TSHZ3: variants seen among roughly 807,000 people sequenced by gnomAD.
TSHZ3 encodes teashirt homolog 3.
Under a neutral mutation model 64.5 loss-of-function variants are expected in TSHZ3, and 10 were observed. The ratio of observed to expected loss-of-function variants is 0.16; its 90% CI spans 0.10 to 0.26. TSHZ3 has a LOEUF of 0.26. TSHZ3 is among the 10% of genes least tolerant of loss of function. TSHZ3 has a pLI of 1.00. For missense variants in TSHZ3, 1,242 were observed against 1,421.7 expected, an observed-to-expected ratio of 0.87 and a Z score of 2.03; for synonymous variants, 608 against 593.1, an observed-to-expected ratio of 1.03 and a Z score of -0.36.
intron 1 of TSHZ3, among the ~76,000 whole-genome samples, chr19:31,330,317 C>T (rs549185764): frequency 1.3e-5 from 2 of 152,306 alleles, no homozygotes; most frequent in South Asian, 4.1e-4. Flanking sequence ...CATCTAACGC[C>T]TAGCAGGGGT....
In TSHZ3 at chr19:31,340,338, C is replaced by CAAAAA. The variant is rs1160334453; in HGVS notation, c.40+8837_40+8841dup. Among the ~76,000 whole-genome samples the CAAAAA allele has an allele frequency of 3.4e-4, 11 of 32,748 alleles. 2 individuals carry two copies. Among genetic ancestry groups the CAAAAA allele is most frequent in the Non-Finnish European group, 5.7e-5 (1 of 17,562 alleles). The allele number at this position is 32,748 out of a possible 152,430, so 21.5% of individuals were successfully genotyped here. On this transcript the variant is annotated intron_variant, in intron 1 of 1. Coordinates refer to ENST00000240587, the MANE Select transcript of TSHZ3 (RefSeq NM_020856.4). Reference sequence around the variant, plus strand: ...ATTAATTAGCAACAGGCCTACAGTACAAAAAAAAAAAAAAAAAAAAAAAAA... The same window carrying CAAAAA: ...ATTAATTAGCAACAGGCCTACAGTACAAAAAAAAAAAAAAAAAAAAAAAAAAAAAA...
At chr19:31,224,640 T>C (rs1975435815) in intron 4 of TSHZ3, among the ~76,000 whole-genome samples, 1 of 152,184 alleles carries the variant, frequency 6.6e-6, no homozygotes, top group African/African-American at 2.4e-5. Flanking sequence ...ACTCTAGCCT[T>C]AGGGCTTGAG....
At chr19:31,294,206 A>G (rs547212225) in intron 1 of TSHZ3, among the ~76,000 whole-genome samples, 1 of 152,328 alleles carries the variant, frequency 6.6e-6, no homozygotes, top group East Asian at 1.9e-4. Flanking sequence ...TAAGGTCTGT[A>G]GCACTGCCTG....
intron 5 of TSHZ3, among the ~76,000 whole-genome samples, chr19:31,156,760 A>G (rs1974310830): frequency 6.6e-6 from 1 of 152,130 alleles, no homozygotes; most frequent in African/African-American, 2.4e-5. Context: ...GCTTAACAAG[A>G]TGTGATGAAA....
At chr19:31,324,523 A>G (rs1916876424) in intron 1 of TSHZ3, among the ~76,000 whole-genome samples, 1 of 152,266 alleles carries the variant, frequency 6.6e-6, no homozygotes, top group Non-Finnish European at 1.5e-5. Context: ...GCACCTTCCA[A>G]ACCCAAAAGA....
At chr19:31,262,452 C>A (rs1036215601) in intron 1 of TSHZ3, among the ~76,000 whole-genome samples, 1 of 152,152 alleles carries the variant, frequency 6.6e-6, no homozygotes, top group African/African-American at 2.4e-5. Context: ...TCTTAAAAAT[C>A]ATACACAGAT....
chr19:31,288,154 T>C (rs1187282440), intron 1 of TSHZ3, among the ~76,000 whole-genome samples: 1 of 152,108 alleles, frequency 6.6e-6, no homozygotes, highest in Non-Finnish European at 1.5e-5. Context: ...TAAATAATAA[T>C]TTAACTAGCC....
intron 4 of TSHZ3, among the ~76,000 whole-genome samples, chr19:31,217,691 T>C (rs536575788): frequency 3.7e-4 from 56 of 152,294 alleles, no homozygotes; most frequent in Non-Finnish European, 7.3e-4. Context: ...GGGTTCGCTC[T>C]TGGTGTTGTG....
At chr19:31,176,188 G>A (rs1276961789) in intron 5 of TSHZ3, among the ~76,000 whole-genome samples, 1 of 152,154 alleles carries the variant, frequency 6.6e-6, no homozygotes, top group Non-Finnish European at 1.5e-5. Flanking sequence ...CAGCCCAGGG[G>A]ACATCCAGGA....
intron 4 of TSHZ3, among the ~76,000 whole-genome samples, chr19:31,219,831 T>C (rs1975376442): frequency 6.7e-6 from 1 of 149,748 alleles, no homozygotes; most frequent in Non-Finnish European, 1.5e-5. Flanking sequence ...AATATATATG[T>C]ATATTCAAAA....
intron 6 of TSHZ3, among the ~76,000 whole-genome samples, chr19:31,153,391 A>G (rs1458316586): frequency 6.6e-6 from 1 of 152,218 alleles, no homozygotes; most frequent in Non-Finnish European, 1.5e-5. Context: ...CATCTTACTT[A>G]TAGAGAAAGG....
chr19:31,260,730 A>G (rs1717598039), intron 1 of TSHZ3, among the ~76,000 whole-genome samples: 1 of 152,200 alleles, frequency 6.6e-6, no homozygotes, highest in South Asian at 2.1e-4. Context: ...TCACTTGGGA[A>G]GCACAGCTCT....
intron 1 of TSHZ3, among the ~76,000 whole-genome samples, chr19:31,248,004 G>A (rs7260068): frequency 0.28 from 42,322 of 151,954 alleles, 7,364 homozygotes; most frequent in African/African-American, 0.48. Flanking sequence ...AATCATGGTG[G>A]AAGGTGAAAG....
At chr19:31,154,170 C>T (rs1359023699) in intron 6 of TSHZ3, among the ~76,000 whole-genome samples, 1 of 152,198 alleles carries the variant, frequency 6.6e-6, no homozygotes, top group Non-Finnish European at 1.5e-5. Context: ...GACAGCAGAG[C>T]TACCCAGCAG....
At chr19:31,150,799 C>T (rs1974228597) in exon 7 of TSHZ3, among the ~76,000 whole-genome samples, 1 of 152,116 alleles carries the variant, frequency 6.6e-6, no homozygotes, top group Admixed American at 6.6e-5. Context: ...CACCGAAGTC[C>T]CCTTGGGCCA....
intron 1 of TSHZ3, among the ~76,000 whole-genome samples, chr19:31,326,876 G>A (rs958383897): frequency 2.0e-5 from 3 of 152,154 alleles, no homozygotes; most frequent in Non-Finnish European, 4.4e-5. Flanking sequence ...CGCAGCCTTC[G>A]GCTCTGATGG....
intron 4 of TSHZ3, among the ~76,000 whole-genome samples, chr19:31,214,144 T>C (rs1450548637): frequency 6.6e-6 from 1 of 152,202 alleles, no homozygotes; most frequent in East Asian, 1.9e-4. Flanking sequence ...GGGTAAGTTT[T>C]GGCGCTTCCG....
chr19:31,279,468 T>A lies in TSHZ3; in HGVS notation c.325A>T (p.Thr109Ser), dbSNP rs1025054452. Residue 109 changes from threonine (T) to serine (S), a missense_variant, in exon 2 of 2, where the codon ACG becomes TCG. Physicochemically the swap from Thr to Ser is moderately conservative, Grantham distance 58 (BLOSUM62 1). Coordinates refer to ENST00000240587, the MANE Select transcript of TSHZ3 (RefSeq NM_020856.4). This position sits in a 1 kb window ranked among gnomAD's most constrained non-coding sequence, Gnocchi z 6.4. Reference protein sequence around the residue: ...TKEVTVPLEDTTVSDSLEQMK... With the variant: ...TKEVTVPLEDSTVSDSLEQMK... Reference sequence around the variant, plus strand: ...TGCTCCAGGCTATCCGACACAGTCGTGTCTTCCAGTGGGACCGTGACCTCC... The same window carrying A: ...TGCTCCAGGCTATCCGACACAGTCGAGTCTTCCAGTGGGACCGTGACCTCC... 6.2e-7 allele frequency: 1 copy of A among 1,614,090 alleles called. No homozygotes were observed. The highest frequency in any genetic ancestry group is 8.5e-7 in the Non-Finnish European group (1 of 1,180,040).
chr19:31,231,520 T>A (rs921780935), intron 3 of TSHZ3, among the ~76,000 whole-genome samples: 1 of 152,204 alleles, frequency 6.6e-6, no homozygotes, highest in Admixed American at 6.5e-5. Flanking sequence ...GTGCCATTTG[T>A]AAAAATATTA....
Sources: gnomAD v4.1 joint callset for allele counts (sites outside exome capture counted in the v4.1 genomes callset) on GRCh38, gnomAD v4.1.1 for gene constraint, Gnocchi (gnomAD v3.1) non-coding constraint, MANE v1.5 for transcripts, NCBI Gene and HGNC (gene_info 2026-07-23, HGNC 2026-07-21) for gene names.